Variants in GAREM1 observed in about 807,000 individuals in gnomAD.
GAREM1 encodes GRB2 associated regulator of MAPK1 subtype 1.
GAREM1 carries 26 observed loss-of-function variants against 71.3 expected under a neutral mutation model. The observed-to-expected ratio is 0.36, with a 90% CI of 0.27 to 0.51. The LOEUF (loss-of-function observed/expected upper bound fraction) is 0.51, where lower values mean the gene tolerates loss of function less well. Ranked by LOEUF, GAREM1 falls within the 20% of genes least tolerant of loss-of-function variation. The pLI, the probability that GAREM1 is intolerant of heterozygous loss-of-function variation, is 0.95. For missense variants in GAREM1, 1,026 were observed against 1,103.1 expected, an observed-to-expected ratio of 0.93 and a Z score of 0.99; for synonymous variants, 440 against 433.2, an observed-to-expected ratio of 1.02 and a Z score of -0.20.
Position 32,320,751 on chromosome 18 carries a change from A to G in GAREM1, c.263-10428T>C, listed in dbSNP as rs144301675. Among the ~76,000 whole-genome samples the G allele has an allele frequency of 2.4e-4, 37 of 152,326 alleles. 1 individual carries two copies. In the East Asian group the frequency reaches 6.9e-3, roughly 29 times the overall value. ...CCATTCTGGGATCTATGTTCTAAGCAGCCAAACCATTTCACACCATGCAAA... is the reference window on the plus strand; with the variant it reads ...CCATTCTGGGATCTATGTTCTAAGCGGCCAAACCATTTCACACCATGCAAA... On this transcript the variant is annotated intron_variant, in intron 2 of 5. Transcript: ENST00000269209.
intron 2 of GAREM1, among the ~76,000 whole-genome samples, chr18:32,351,025 C>T (rs1432615136): frequency 6.6e-6 from 1 of 152,096 alleles, no homozygotes; most frequent in Non-Finnish European, 1.5e-5. Context: ...TAGGAACTTA[C>T]TATTTCTTAG....
chr18:32,377,517 C>T (rs2048042572), intron 2 of GAREM1, among the ~76,000 whole-genome samples: 2 of 152,288 alleles, frequency 1.3e-5, no homozygotes, highest in South Asian at 2.1e-4. Flanking sequence ...CCACATGCTC[C>T]ACGGCTGCCA....
At chr18:32,362,013 T>G (rs1302785904) in intron 2 of GAREM1, among the ~76,000 whole-genome samples, 2 of 152,230 alleles carry the variant, frequency 1.3e-5, no homozygotes, top group Admixed American at 1.3e-4. Flanking sequence ...ATAAACCATT[T>G]CTGCCACCTC....
Position 32,270,360 on chromosome 18 carries a change from C to G in GAREM1, c.1590G>C (p.Leu530=), listed in dbSNP as rs762197978. The G allele has an allele frequency of 6.2e-7, 1 of 1,613,050 alleles. No homozygotes were observed. The highest frequency in any genetic ancestry group is 8.5e-7 in the Non-Finnish European group (1 of 1,179,720). ...SEAVREECRL[L]NAPPVPPRSA... Reference sequence around the variant, plus strand: ...TTCGGGGTGGAACAGGTGGGGCGTTCAGGAGCCGGCATTCTTCTCTGACCT... The same window carrying G: ...TTCGGGGTGGAACAGGTGGGGCGTTGAGGAGCCGGCATTCTTCTCTGACCT... Residue 530 remains leucine, a synonymous_variant, in exon 5 of 6, where the codon CTG becomes CTC. Coordinates refer to ENST00000269209, the MANE Select transcript of GAREM1 (RefSeq NM_001242409.2).
chr18:32,405,521 T>A (rs2048356567), intron 1 of GAREM1, among the ~76,000 whole-genome samples: 1 of 152,200 alleles, frequency 6.6e-6, no homozygotes, highest in Non-Finnish European at 1.5e-5. Flanking sequence ...TAAACTTTTT[T>A]CAAAATACCT....
intron 1 of GAREM1, among the ~76,000 whole-genome samples, chr18:32,395,191 C>T (rs2048239198): frequency 6.6e-6 from 1 of 152,160 alleles, no homozygotes. Context: ...CCTGCTCTTC[C>T]AATGCCACAA....
At chr18:32,454,262 C>A (rs1174885983) in intron 1 of GAREM1, among the ~76,000 whole-genome samples, 1 of 152,018 alleles carries the variant, frequency 6.6e-6, no homozygotes, top group Non-Finnish European at 1.5e-5. Context: ...GGCACTACCA[C>A]AATTCATACA....
intron 1 of GAREM1, among the ~76,000 whole-genome samples, chr18:32,431,845 G>A (rs1477135659): frequency 6.6e-6 from 1 of 152,044 alleles, no homozygotes; most frequent in African/African-American, 2.4e-5. Flanking sequence ...AAAAAAATGG[G>A]ATTCAATTGA....
chr18:32,307,695 G>A (rs566453527), intron 3 of GAREM1, among the ~76,000 whole-genome samples: 2 of 152,092 alleles, frequency 1.3e-5, no homozygotes, highest in South Asian at 2.1e-4. Flanking sequence ...ACTAATTTTT[G>A]TATTTTTAGT....
At chr18:32,325,657 C>A (rs561237619) in intron 2 of GAREM1, among the ~76,000 whole-genome samples, 1 of 152,320 alleles carries the variant, frequency 6.6e-6, no homozygotes, top group East Asian at 1.9e-4. Flanking sequence ...CAGCACAGGA[C>A]TGTTAATTTT....
rs538189905 is a variant in GAREM1, at chr18:32,445,760, AAGTTTAG to A, written c.121+24541_121+24547del. On this transcript the variant is annotated intron_variant, in intron 1 of 5. Transcript: ENST00000269209. ...TGTAATAAATTATTTCCACCTAAAA[AAGTTTAG>A]AATCACTATAGTAAGTCATAAATAG... 9.7e-4 allele frequency among the ~76,000 whole-genome samples: 148 copies of A among 152,264 alleles called. 1 individual carries two copies. In the South Asian group the frequency reaches 0.017, roughly 17 times the overall value.
chr18:32,413,196 A>G, intron 1 of GAREM1: 1 of 1,604,426 alleles, frequency 6.2e-7, no homozygotes, highest in Non-Finnish European at 8.5e-7. Flanking sequence ...GTGAAGAGAG[A>G]CTTTAACGAT....
At chr18:32,407,921 G>C (rs968414845) in intron 1 of GAREM1, among the ~76,000 whole-genome samples, 8 of 151,772 alleles carry the variant, frequency 5.3e-5, no homozygotes, top group African/African-American at 1.2e-4. Flanking sequence ...ATGCCTGCAT[G>C]ACTCAATCAA....
rs148422039 is a variant in GAREM1, at chr18:32,323,673, C to T, written c.263-13350G>A. ...GCAGTGGGCCAAAATTGCGCCACTG[C>T]ACTCCAGCCTGGGCGACAGAGTAAG... On this transcript the variant is annotated intron_variant, in intron 2 of 5. Coordinates refer to ENST00000269209, the MANE Select transcript of GAREM1 (RefSeq NM_001242409.2). Among the ~76,000 whole-genome samples, 39 of 152,278 alleles carry T rather than the reference C, an allele frequency of 2.6e-4. No individual in the cohort carries two copies. The East Asian group carries it at 6.0e-3, about 23-fold the overall frequency.
chr18:32,373,474 C>G (rs1449230865), intron 2 of GAREM1, among the ~76,000 whole-genome samples: 1 of 152,166 alleles, frequency 6.6e-6, no homozygotes, highest in African/African-American at 2.4e-5. Flanking sequence ...TGGAGCTGCT[C>G]TGATCAGAGA....
At chr18:32,404,365 C>T (rs1389343674) in intron 1 of GAREM1, among the ~76,000 whole-genome samples, 2 of 151,596 alleles carry the variant, frequency 1.3e-5, no homozygotes, top group Admixed American at 6.6e-5. Flanking sequence ...TGAGTTTTCT[C>T]TTAAGGTTGG....
At chr18:32,270,442 G>C in intron 4 of GAREM1, 59 bp from the exon 5 acceptor site, 1 of 1,453,614 alleles carries the variant, frequency 6.9e-7, no homozygotes, top group Non-Finnish European at 9.3e-7. Flanking sequence ...CGGGGCGCCA[G>C]CTCAATCCTG....
chr18:32,378,059 C>CGCGT (rs2048054155), intron 2 of GAREM1, among the ~76,000 whole-genome samples: 7 of 112,984 alleles, frequency 6.2e-5, no homozygotes, highest in African/African-American at 2.2e-4. Flanking sequence ...TGTGTGTGTG[C>CGCGT]GCGCGGGCGC....
chr18:32,422,039 G>A (rs2048524035), intron 1 of GAREM1, among the ~76,000 whole-genome samples: 1 of 151,730 alleles, frequency 6.6e-6, no homozygotes, highest in Non-Finnish European at 1.5e-5. Context: ...TGCACAACAT[G>A]CAGGTTTGTT....
Sources: gnomAD v4.1 joint callset for allele counts (sites outside exome capture counted in the v4.1 genomes callset) on GRCh38, gnomAD v4.1.1 for gene constraint, MANE v1.5 for transcripts, NCBI Gene and HGNC (gene_info 2026-07-23, HGNC 2026-07-21) for gene names.